SRPK2: variants seen among roughly 807,000 people sequenced by gnomAD.
SRPK2 encodes the protein SFRS protein kinase 2.
In SRPK2, 21 loss-of-function variants were observed where a neutral mutation model predicts 90.8. The observed-to-expected ratio is 0.23, with a 90% CI of 0.16 to 0.33. The LOEUF is 0.33. Among genes scored for constraint, SRPK2 ranks in the 10% least tolerant of loss-of-function variants. The pLI is 1.00. For missense variants in SRPK2, 620 were observed against 869.0 expected, an observed-to-expected ratio of 0.71 and a Z score of 3.60; for synonymous variants, 288 against 311.1, an observed-to-expected ratio of 0.93 and a Z score of 0.78.
intron 2 of SRPK2, among the ~76,000 whole-genome samples, chr7:105,227,476 A>G (rs1357951684): frequency 6.6e-6 from 1 of 152,238 alleles, no homozygotes; most frequent in African/African-American, 2.4e-5. Context: ...GCACATGACA[A>G]GATGGCTCAA....
intron 2 of SRPK2, among the ~76,000 whole-genome samples, chr7:105,224,096 C>T (rs1268322513): frequency 1.3e-5 from 2 of 152,152 alleles, no homozygotes; most frequent in African/African-American, 4.8e-5. Context: ...GATTGAGTTA[C>T]ACACATATGC....
intron 15 of SRPK2, among the ~76,000 whole-genome samples, chr7:105,123,619 A>C (rs1272329331): frequency 2.0e-5 from 3 of 152,344 alleles, no homozygotes; most frequent in East Asian, 3.9e-4. Context: ...TTATGGGAAC[A>C]TGCCAAAACA....
chr7:105,207,217 A>G lies in SRPK2; in HGVS notation c.72-3432T>C, dbSNP rs184045262. 1.6e-3 allele frequency among the ~76,000 whole-genome samples: 242 copies of G among 152,300 alleles called. 1 individual carries two copies. Among genetic ancestry groups the G allele is most frequent in the African/African-American group, 5.5e-3 (229 of 41,568 alleles). On this transcript the variant is annotated intron_variant, in intron 2 of 15. Transcript: ENST00000393651. ...AGTGGTGCATCCACAGCTCACTGCA[A>G]TCTTGAACTCCTGGGCTCAAAGAAT...
chr7:105,196,487 T>C (rs1050691307), intron 3 of SRPK2, among the ~76,000 whole-genome samples: 12 of 152,226 alleles, frequency 7.9e-5, no homozygotes, highest in African/African-American at 2.4e-4. Flanking sequence ...ATTTCTGTTA[T>C]GGGTAACTGT....
chr7:105,363,851 G>C (rs1818713283), intron 2 of SRPK2, among the ~76,000 whole-genome samples: 1 of 152,146 alleles, frequency 6.6e-6, no homozygotes, highest in Admixed American at 6.6e-5. Flanking sequence ...ATACTATGCA[G>C]CCATAAAAAA....
intron 2 of SRPK2, among the ~76,000 whole-genome samples, chr7:105,236,211 G>A (rs1455895442): frequency 6.6e-6 from 1 of 152,174 alleles, no homozygotes; most frequent in Non-Finnish European, 1.5e-5. Flanking sequence ...TTCATCATAC[G>A]AAGGTTGATT....
At chr7:105,114,963 T>C (rs1799544221), downstream of SRPK2, among the ~76,000 whole-genome samples, 1 of 152,228 alleles carries the variant, frequency 6.6e-6, no homozygotes, top group African/African-American at 2.4e-5. Flanking sequence ...TCTATCCTGA[T>C]AGTTTCAAAC....
downstream of SRPK2, chr7:105,115,651 T>C (rs1393451088): frequency 6.6e-6 from 1 of 152,202 alleles, no homozygotes. Flanking sequence ...TTATGCCTAA[T>C]ACAAATGTAT....
At chr7:105,213,872 C>G (rs762063782) in intron 2 of SRPK2, among the ~76,000 whole-genome samples, 2 of 152,144 alleles carry the variant, frequency 1.3e-5, no homozygotes, top group Non-Finnish European at 2.9e-5. Flanking sequence ...TTACACAAGC[C>G]TTCTGCAAAC....
chr7:105,251,724 C>T (rs1028451188), intron 2 of SRPK2, among the ~76,000 whole-genome samples: 1 of 152,164 alleles, frequency 6.6e-6, no homozygotes, highest in African/African-American at 2.4e-5. Context: ...GCATACTGGG[C>T]CCAAAGAGTA....
At chr7:105,201,756 G>C (rs1169833034) in intron 3 of SRPK2, among the ~76,000 whole-genome samples, 1 of 152,010 alleles carries the variant, frequency 6.6e-6, no homozygotes, top group Non-Finnish European at 1.5e-5. Context: ...GAGATGGGAG[G>C]ATTGCTCAAG....
chr7:105,328,582 A>AT (rs1813880564), intron 2 of SRPK2, among the ~76,000 whole-genome samples: 1 of 147,272 alleles, frequency 6.8e-6, no homozygotes, highest in Non-Finnish European at 1.5e-5. Context: ...AAAAAAAAAA[A>AT]GGCCAGGCGC....
chr7:105,151,098 T>C (rs1353899451), intron 7 of SRPK2, among the ~76,000 whole-genome samples: 1 of 152,192 alleles, frequency 6.6e-6, no homozygotes. Flanking sequence ...TTCCAGATTT[T>C]TTTTAAAAAA....
At position 105,388,636 on chromosome 7, in the gene SRPK2, G is replaced by A. The variant is rs1474011384; in HGVS notation, c.71+12C>T. On this transcript the variant is annotated intron_variant, in intron 2 of 15. Coordinates refer to ENST00000393651, the MANE Select transcript of SRPK2 (RefSeq NM_182692.3). Reference sequence around the variant, plus strand: ...GGGGTGGGGAACGGGGACAGGCGCAGCGTGGACTCACTTTTTCGGATGTTT... The same window carrying A: ...GGGGTGGGGAACGGGGACAGGCGCAACGTGGACTCACTTTTTCGGATGTTT... 1.9e-6 allele frequency: 3 copies of A among 1,584,478 alleles called. No individual in the cohort carries two copies. The highest frequency in any genetic ancestry group is 1.7e-5 in the Admixed American group (1 of 57,166).
chr7:105,199,584 C>G (rs1056573476), intron 3 of SRPK2, among the ~76,000 whole-genome samples: 6 of 152,008 alleles, frequency 3.9e-5, no homozygotes, highest in African/African-American at 1.5e-4. Context: ...GTGATTCATA[C>G]CATACAGGGA....
intron 11 of SRPK2, among the ~76,000 whole-genome samples, chr7:105,135,796 ACT>A (rs1802717717): frequency 6.8e-6 from 1 of 146,194 alleles, no homozygotes; most frequent in South Asian, 2.2e-4. Context: ...ACAGAGTCTC[ACT>A]CTGTCGCCTA....
At chr7:105,263,341 G>T (rs970117373) in intron 2 of SRPK2, among the ~76,000 whole-genome samples, 3 of 151,054 alleles carry the variant, frequency 2.0e-5, no homozygotes, top group Admixed American at 6.6e-5. Context: ...AAAAGAAAAA[G>T]AAATGCTCAT....
intron 2 of SRPK2, among the ~76,000 whole-genome samples, chr7:105,327,921 C>G (rs1813780584): frequency 6.6e-6 from 1 of 152,240 alleles, no homozygotes; most frequent in Non-Finnish European, 1.5e-5. Context: ...CTGCCTCAGC[C>G]TCCCGAGTAG....
rs73715547 is a variant in SRPK2, at chr7:105,268,887, T to C, written c.72-65102A>G. On this transcript the variant is annotated intron_variant, in intron 2 of 15. Coordinates refer to ENST00000393651, the MANE Select transcript of SRPK2 (RefSeq NM_182692.3). The stretch of plus-strand genomic sequence containing the variant: ...CTTGATTTCTGGAAAAATCAGAAAA[T>C]ATTCACAACCAAGATTGCCTGCCCT... 7.3e-4 allele frequency: 1,151 copies of C among 1,582,762 alleles called. 9 individuals carry two copies. In the African/African-American group the frequency reaches 0.012, roughly 17 times the overall value.
Sources: allele counts gnomAD v4.1 joint callset (sites outside exome capture counted in the v4.1 genomes callset), GRCh38; gene constraint gnomAD v4.1.1; transcripts MANE v1.5; gene names NCBI Gene and HGNC (gene_info 2026-07-23, HGNC 2026-07-21).